The following MTMR7 variants were observed in gnomAD, a reference collection of about 807,000 sequenced individuals.
The protein encoded by MTMR7 is myotubularin related protein 7, also known as phosphatidylinositol-3-phosphate phosphatase MTMR7.
Under a neutral mutation model 81.2 loss-of-function variants are expected in MTMR7, and 76 were observed. The ratio of observed to expected loss-of-function variants is 0.94; its 90% CI spans 0.78 to 1.13. MTMR7 has a LOEUF of 1.13. Ranked by LOEUF, MTMR7 falls within the 50% of genes most tolerant of loss-of-function variation. MTMR7 has a pLI of 0.00. For missense variants in MTMR7, 1,044 were observed against 820.0 expected, an observed-to-expected ratio of 1.27 and a Z score of -3.34; for synonymous variants, 372 against 289.8, an observed-to-expected ratio of 1.28 and a Z score of -2.88.
At chr8:17,346,328 G>A (rs554882963) in intron 5 of MTMR7, among the ~76,000 whole-genome samples, 1 of 152,292 alleles carries the variant, frequency 6.6e-6, no homozygotes, top group East Asian at 1.9e-4. Flanking sequence ...GGGGTAACCC[G>A]ATCACGCAGC....
At chr8:17,331,817 A>C (rs1489834198) in intron 6 of MTMR7, among the ~76,000 whole-genome samples, 1 of 152,232 alleles carries the variant, frequency 6.6e-6, no homozygotes, top group Non-Finnish European at 1.5e-5. Context: ...ATTACTGAAT[A>C]AAATGAAGAG....
At chr8:17,394,740 G>C (rs907340445) in intron 1 of MTMR7, among the ~76,000 whole-genome samples, 1 of 152,032 alleles carries the variant, frequency 6.6e-6, no homozygotes, top group African/African-American at 2.4e-5. Flanking sequence ...ATATATACGT[G>C]GCAGAGTAAG....
chr8:17,355,304 A>T (rs918014450), intron 4 of MTMR7, among the ~76,000 whole-genome samples: 5 of 152,320 alleles, frequency 3.3e-5, no homozygotes, highest in Middle Eastern at 6.8e-3. Context: ...AATTAGTCTG[A>T]TTACATGAGT....
At chr8:17,302,397 T>C in intron 12 of MTMR7, 117 bp from the exon 13 acceptor site, 1 of 1,229,538 alleles carries the variant, frequency 8.1e-7, no homozygotes, top group Non-Finnish European at 1.1e-6. Flanking sequence ...AATGCAAATT[T>C]CAGCCTCAAA....
At chr8:17,305,098 C>A (rs1817366627) in intron 11 of MTMR7, among the ~76,000 whole-genome samples, 1 of 152,186 alleles carries the variant, frequency 6.6e-6, no homozygotes, top group African/African-American at 2.4e-5. Flanking sequence ...CACACTTGAG[C>A]TTCCTTAGAG....
chr8:17,334,516 G>A (rs902311301), intron 6 of MTMR7, among the ~76,000 whole-genome samples: 2 of 152,188 alleles, frequency 1.3e-5, no homozygotes, highest in African/African-American at 2.4e-5. Flanking sequence ...ACAGATAGGT[G>A]AAAAGTAGGA....
intron 4 of MTMR7, chr8:17,349,631 C>T (rs1586231180): frequency 6.5e-6 from 1 of 153,152 alleles, no homozygotes; most frequent in South Asian, 2.0e-4. Flanking sequence ...AAGGGCCAAT[C>T]GAAGTTCCAC....
chr8:17,386,261 C>T (rs1277351138), intron 1 of MTMR7, among the ~76,000 whole-genome samples: 2 of 152,122 alleles, frequency 1.3e-5, no homozygotes, highest in African/African-American at 2.4e-5. Context: ...GCCTATAGTC[C>T]CAGCTAATCA....
At chr8:17,309,145 C>T (rs1464884865) in intron 10 of MTMR7, 132 bp downstream of exon 10, 3 of 649,654 alleles carry the variant, frequency 4.6e-6, no homozygotes, top group Admixed American at 5.9e-5. Context: ...ACATATACAA[C>T]AAAATTTAAG....
intron 7 of MTMR7, among the ~76,000 whole-genome samples, chr8:17,324,973 T>G (rs902088026): frequency 5.9e-5 from 9 of 152,250 alleles, no homozygotes; most frequent in Non-Finnish European, 1.2e-4. Flanking sequence ...GCAGGTAATG[T>G]GATAAAAGAA....
chr8:17,297,005 G>T lies in MTMR7; in HGVS notation c.*2857C>A, dbSNP rs2150443436. 1 of 152,268 alleles carries T rather than the reference G, an allele frequency of 6.6e-6. No homozygotes were observed. Among genetic ancestry groups the T allele is most frequent in the South Asian group, 2.1e-4 (1 of 4,832 alleles). The allele number at this position is 152,268 out of a possible 1,614,324, so 9.4% of individuals were successfully genotyped here. On this transcript the variant is annotated 3_prime_UTR_variant, in exon 14 of 14. Transcript: ENST00000180173. Reference sequence around the variant, plus strand: ...TGCATTTGAATATGCCCGTATGAATGTGGGTTCTGTTTTTGCAACAGAGAT... The same window carrying T: ...TGCATTTGAATATGCCCGTATGAATTTGGGTTCTGTTTTTGCAACAGAGAT...
At chr8:17,400,510 C>A (rs914666534) in intron 1 of MTMR7, among the ~76,000 whole-genome samples, 1 of 152,150 alleles carries the variant, frequency 6.6e-6, no homozygotes, top group African/African-American at 2.4e-5. Flanking sequence ...ATCTCCAGGC[C>A]CTCTGGAGTC....
At chr8:17,408,162 G>A (rs184087581) in intron 1 of MTMR7, among the ~76,000 whole-genome samples, 1,377 of 60,718 alleles carry the variant, frequency 0.023, 424 homozygotes, top group Middle Eastern at 0.065. Flanking sequence ...AGGCCGAGGC[G>A]GGCGGACCAC....
chr8:17,389,529 T>C (rs1821042238), intron 1 of MTMR7, among the ~76,000 whole-genome samples: 1 of 152,184 alleles, frequency 6.6e-6, no homozygotes, highest in Admixed American at 6.5e-5. Context: ...GGCACTAATG[T>C]TTTTGCCTAT....
chr8:17,347,131 G>T (rs949884913), intron 5 of MTMR7, among the ~76,000 whole-genome samples: 3 of 151,042 alleles, frequency 2.0e-5, no homozygotes, highest in Non-Finnish European at 2.9e-5. Context: ...GGAGGTCAAG[G>T]CTGCAGTGAG....
At chr8:17,371,731 A>G (rs138154869) in intron 2 of MTMR7, among the ~76,000 whole-genome samples, 78 of 152,084 alleles carry the variant, frequency 5.1e-4, no homozygotes, top group African/African-American at 1.2e-3. Context: ...TTTTAAATTA[A>G]TATTTTTATT....
intron 7 of MTMR7, among the ~76,000 whole-genome samples, chr8:17,319,141 A>G (rs778369823): frequency 6.6e-6 from 1 of 152,168 alleles, no homozygotes; most frequent in Non-Finnish European, 1.5e-5. Flanking sequence ...GCACGTAGCA[A>G]TGTTTAAGGG....
intron 4 of MTMR7, chr8:17,349,309 C>A: frequency 4.7e-6 from 2 of 422,452 alleles, no homozygotes; most frequent in South Asian, 8.3e-5. Flanking sequence ...TGTTCTGTCC[C>A]CGTGCACTGT....
At chr8:17,314,176 C>T (rs534593505) in intron 7 of MTMR7, among the ~76,000 whole-genome samples, 3 of 152,260 alleles carry the variant, frequency 2.0e-5, no homozygotes, top group Admixed American at 2.0e-4. Flanking sequence ...GTTCTGAGTA[C>T]ATATCACAAA....
Sources: allele counts gnomAD v4.1 joint callset (sites outside exome capture counted in the v4.1 genomes callset), GRCh38; gene constraint gnomAD v4.1.1; transcripts MANE v1.5; gene names NCBI Gene and HGNC (gene_info 2026-07-23, HGNC 2026-07-21).